The following SUDS3 variants were observed in gnomAD, a reference collection of about 807,000 sequenced individuals.
SUDS3 encodes the protein SIN3A corepressor complex component SDS3.
In SUDS3, 23 loss-of-function variants were observed where a neutral mutation model predicts 53.5. The ratio of observed to expected loss-of-function variants is 0.43; its 90% confidence interval spans 0.31 to 0.61. The LOEUF (loss-of-function observed/expected upper bound fraction) is 0.61. SUDS3 is among the 20% of genes least tolerant of loss of function. The pLI is 0.10. For missense variants in SUDS3, 291 were observed against 405.9 expected, an observed-to-expected ratio of 0.72 and a Z score of 2.43; for synonymous variants, 150 against 148.5, an observed-to-expected ratio of 1.01 and a Z score of -0.08.
rs1467153501 is a variant in SUDS3, at chr12:118,417,220, T to C, written c.*2787T>C. 3 of 152,222 alleles carry C rather than the reference T, an allele frequency of 2.0e-5. No individual in the cohort carries two copies. The East Asian group carries it at 5.8e-4, about 29-fold the overall frequency. 9.4% of individuals were successfully genotyped at this position (152,222 alleles called of 1,614,324 possible). On this transcript the variant is annotated 3_prime_UTR_variant, in exon 12 of 12. Transcript: ENST00000543473. The stretch of plus-strand genomic sequence containing the variant: ...TGACTACCTAACTTAATTTTTGTTT[T>C]TGAACTTCTAATTGGGGCCAGTGTA...
chr12:118,408,206 T>A (rs1437612211), intron 10 of SUDS3, among the ~76,000 whole-genome samples: 1 of 150,964 alleles, frequency 6.6e-6, no homozygotes, highest in African/African-American at 2.4e-5. Flanking sequence ...GCCAATTTTT[T>A]GTATTTTAGT....
chr12:118,377,748 G>T (rs1442469745), intron 1 of SUDS3, among the ~76,000 whole-genome samples: 1 of 152,192 alleles, frequency 6.6e-6, no homozygotes, highest in Non-Finnish European at 1.5e-5. Flanking sequence ...GAAACAAAGA[G>T]AGACCGATAT....
rs560354658 is a variant in SUDS3, at chr12:118,377,610, TCA to T, written c.142+780_142+781del. Among the ~76,000 whole-genome samples, 4 of 150,482 alleles carry T rather than the reference TCA, an allele frequency of 2.7e-5. No individual in the cohort carries two copies. In the East Asian group the frequency reaches 8.0e-4, roughly 30 times the overall value. On this transcript the variant is annotated intron_variant, in intron 1 of 11. Transcript: ENST00000543473. ...CAGTCCCACGCTCTTTGCACTGTCA[TCA>T]CAGAGTCTCAGAGCCTTGCTTTTCA... is the stretch of plus-strand genomic sequence containing the variant.
chr12:118,399,627 G>A (rs1038546446), intron 6 of SUDS3, among the ~76,000 whole-genome samples: 3 of 152,144 alleles, frequency 2.0e-5, no homozygotes, highest in African/African-American at 7.2e-5. Context: ...AGGCCGTGGA[G>A]GTAGCCAGTG....
At chr12:118,390,001 C>T (rs1048112981) in intron 5 of SUDS3, 55 bp downstream of exon 5, 6 of 1,606,472 alleles carry the variant, frequency 3.7e-6, no homozygotes, top group African/African-American at 2.7e-5. Flanking sequence ...TGGAATCTTG[C>T]AGTCCTGATC....
intron 1 of SUDS3, among the ~76,000 whole-genome samples, 197 bp from the exon 2 acceptor site, chr12:118,379,965 G>A (rs2046040617): frequency 6.6e-6 from 1 of 152,168 alleles, no homozygotes; most frequent in South Asian, 2.1e-4. Flanking sequence ...TTGGCCTTTT[G>A]TGTCCACAGG....
rs982842342 is a variant in SUDS3 at position 118,404,763 on chromosome 12, C to G, written c.803+1246C>G. 2.0e-5 allele frequency among the ~76,000 whole-genome samples: 3 copies of G among 152,082 alleles called. No individual in the cohort carries two copies. In the South Asian group the frequency reaches 6.2e-4, roughly 31 times the overall value. On this transcript the variant is annotated intron_variant, in intron 10 of 11. Coordinates refer to ENST00000543473, the MANE Select transcript of SUDS3 (RefSeq NM_022491.3). ...GGTGTCTCATTATCATTTATAATGGCTATATAATGACCCTTTGAGTTTCAG... is the reference window on the plus strand; with the variant it reads ...GGTGTCTCATTATCATTTATAATGGGTATATAATGACCCTTTGAGTTTCAG...
rs1294232505 is a variant in SUDS3, at chr12:118,386,300, A to G, written c.340+115A>G. On this transcript the variant is annotated intron_variant, in intron 4 of 11. Coordinates refer to ENST00000543473, the MANE Select transcript of SUDS3 (RefSeq NM_022491.3). ...CAAAACATATCCCAGATACTCTGTC[A>G]GGGAGAGTTTTCAGAAAAGAGACTT... is the stretch of plus-strand genomic sequence containing the variant. 3 of 828,066 alleles carry G rather than the reference A, an allele frequency of 3.6e-6. No homozygotes were observed. The African/African-American group carries it at 5.3e-5, about 15-fold the overall frequency. 51.3% of individuals were successfully genotyped at this position (828,066 alleles called of 1,614,324 possible).
intron 1 of SUDS3, among the ~76,000 whole-genome samples, chr12:118,377,162 C>G (rs923682761): frequency 6.6e-6 from 1 of 151,994 alleles, no homozygotes; most frequent in Non-Finnish European, 1.5e-5. Flanking sequence ...CTGAATACAT[C>G]GAGTGTAGTT....
chr12:118,384,402 T>C (rs1254029908), intron 3 of SUDS3, among the ~76,000 whole-genome samples: 1 of 152,236 alleles, frequency 6.6e-6, no homozygotes, highest in Non-Finnish European at 1.5e-5. Context: ...TTTTACTGTT[T>C]TTTCTAAACC....
At position 118,376,628 on chromosome 12, in the gene SUDS3, G is replaced by A; in HGVS notation, c.-64G>A. 1.4e-6 allele frequency: 2 copies of A among 1,397,782 alleles called. No individual in the cohort carries two copies. The highest frequency in any genetic ancestry group is 2.9e-5 in the East Asian group (1 of 34,250). 86.6% of individuals were successfully genotyped at this position (1,397,782 alleles called of 1,614,324 possible). On this transcript the variant is annotated 5_prime_UTR_variant, in exon 1 of 12. Transcript: ENST00000543473. ...TGCCGCGGACACTGCTAGGCAGACGGCGAGTACCGAGCGCGGGTGGCCGCG... is the reference window on the plus strand; with the variant it reads ...TGCCGCGGACACTGCTAGGCAGACGACGAGTACCGAGCGCGGGTGGCCGCG...
At chr12:118,396,683 T>C (rs1236843611) in intron 6 of SUDS3, among the ~76,000 whole-genome samples, 1 of 152,252 alleles carries the variant, frequency 6.6e-6, no homozygotes, top group Non-Finnish European at 1.5e-5. Flanking sequence ...TTGTACACTA[T>C]AGGCAGGTAT....
intron 10 of SUDS3, among the ~76,000 whole-genome samples, chr12:118,408,513 A>G (rs1365501194): frequency 4.6e-5 from 7 of 150,770 alleles, no homozygotes; most frequent in Admixed American, 4.0e-4. Context: ...TTGTAATTTT[A>G]GTAGAGATGG....
chr12:118,384,137 A>G (rs2046092976), intron 3 of SUDS3, 70 bp downstream of exon 3: 1 of 1,468,216 alleles, frequency 6.8e-7, no homozygotes, highest in Non-Finnish European at 9.5e-7. Context: ...AAATCTGTGT[A>G]TTTCACTTCT....
chr12:118,391,025 A>C (rs748086980), intron 5 of SUDS3, 101 bp from the exon 6 acceptor site: 3 of 1,297,780 alleles, frequency 2.3e-6, no homozygotes, highest in East Asian at 2.3e-5. Flanking sequence ...GTGAGGGGGA[A>C]ACTCTCACAC....
chr12:118,408,222 C>T (rs1327529582), intron 10 of SUDS3, among the ~76,000 whole-genome samples: 8 of 150,952 alleles, frequency 5.3e-5, no homozygotes, highest in Non-Finnish European at 3.0e-5. Context: ...TTAGTAGAGA[C>T]GGGGTTTCAC....
At chr12:118,384,426 C>T (rs771378090) in intron 3 of SUDS3, among the ~76,000 whole-genome samples, 8 of 152,176 alleles carry the variant, frequency 5.3e-5, no homozygotes, top group Non-Finnish European at 1.0e-4. Context: ...TGTTAATGAC[C>T]TTGTGGATTA....
rs145843973 is a variant in SUDS3, at chr12:118,411,654, C to T, written c.888+497C>T. Among the ~76,000 whole-genome samples, 909 of 152,084 alleles carry T rather than the reference C, an allele frequency of 6.0e-3. 2 individuals are homozygous for T. The highest frequency in any genetic ancestry group is 9.9e-3 in the Non-Finnish European group (674 of 67,982). On this transcript the variant is annotated intron_variant, in intron 11 of 11. Transcript: ENST00000543473. ...CTGGGATTACAGGCACCCACCACCA[C>T]GCCCGGCTAATTTTTGTATTTTTTT...
At chr12:118,386,792 T>C (rs1287815790) in intron 4 of SUDS3, among the ~76,000 whole-genome samples, 1 of 152,176 alleles carries the variant, frequency 6.6e-6, no homozygotes, top group Non-Finnish European at 1.5e-5. Context: ...AGATACCACA[T>C]GTATAACGTG....
Sources: gnomAD v4.1 joint callset for allele counts (sites outside exome capture counted in the v4.1 genomes callset) on GRCh38, gnomAD v4.1.1 for gene constraint, MANE v1.5 for transcripts, NCBI Gene and HGNC (gene_info 2026-07-23, HGNC 2026-07-21) for gene names.